Variants in CDH11 observed in about 807,000 individuals in gnomAD.
The protein encoded by CDH11 is cadherin-11.
A neutral mutation model predicts 67.8 loss-of-function variants in CDH11; 11 were observed. The observed-to-expected ratio is 0.16, with a 90% confidence interval of 0.10 to 0.27. The LOEUF (loss-of-function observed/expected upper bound fraction) is 0.27. CDH11 is among the 10% of genes least tolerant of loss of function. CDH11 has a pLI of 1.00. For missense variants in CDH11, 847 were observed against 1,031.2 expected, an observed-to-expected ratio of 0.82 and a Z score of 2.45; for synonymous variants, 419 against 400.0, an observed-to-expected ratio of 1.05 and a Z score of -0.57.
At chr16:65,091,283 C>A (rs868255326) in intron 1 of CDH11, among the ~76,000 whole-genome samples, 1 of 152,152 alleles carries the variant, frequency 6.6e-6, no homozygotes, top group African/African-American at 2.4e-5. Context: ...TTTTGTGCAT[C>A]TAATTTTTAA....
chr16:65,096,481 T>A (rs937183396), intron 1 of CDH11, among the ~76,000 whole-genome samples: 1 of 149,958 alleles, frequency 6.7e-6, no homozygotes, highest in Non-Finnish European at 1.5e-5. Context: ...ATATACCTAT[T>A]TGTACATATA....
At chr16:65,011,188 C>A (rs1322169657) in intron 2 of CDH11, among the ~76,000 whole-genome samples, 2 of 151,086 alleles carry the variant, frequency 1.3e-5, no homozygotes, top group East Asian at 1.9e-4. Flanking sequence ...CCTTATGTAA[C>A]CCACCCAAGT....
chr16:65,118,064 T>C (rs1266484285), intron 1 of CDH11, among the ~76,000 whole-genome samples: 7 of 152,198 alleles, frequency 4.6e-5, no homozygotes, highest in Non-Finnish European at 7.3e-5. Context: ...CGGTCTCTCC[T>C]GAGAGGGCCA....
chr16:65,033,929 A>G (rs2073699308), intron 2 of CDH11, among the ~76,000 whole-genome samples: 1 of 152,110 alleles, frequency 6.6e-6, no homozygotes, highest in Non-Finnish European at 1.5e-5. Context: ...TACTTGTGTG[A>G]GAAAGACACT....
At chr16:65,024,137 T>G (rs2073485853) in intron 2 of CDH11, among the ~76,000 whole-genome samples, 1 of 152,166 alleles carries the variant, frequency 6.6e-6, no homozygotes, top group Non-Finnish European at 1.5e-5. Context: ...CACTGTACTT[T>G]TGTGAAATTT....
chr16:65,018,286 G>C (rs1048942064), intron 2 of CDH11, among the ~76,000 whole-genome samples: 1 of 152,150 alleles, frequency 6.6e-6, no homozygotes, highest in African/African-American at 2.4e-5. Flanking sequence ...ATTTTCCCAA[G>C]TGGCTTTTAT....
At chr16:65,106,863 GA>G (rs2075074572) in intron 1 of CDH11, among the ~76,000 whole-genome samples, 1 of 151,414 alleles carries the variant, frequency 6.6e-6, no homozygotes, top group Non-Finnish European at 1.5e-5. Flanking sequence ...GCACATCACA[GA>G]AAACATAACA....
chr16:65,009,584 C>T (rs151201903), intron 2 of CDH11, among the ~76,000 whole-genome samples: 57 of 152,178 alleles, frequency 3.7e-4, no homozygotes, highest in African/African-American at 1.3e-3. Context: ...GGAGGCTGCC[C>T]TCCTAAGGAG....
chr16:64,966,829 ATC>A (rs984899349), intron 11 of CDH11, among the ~76,000 whole-genome samples: 2 of 152,180 alleles, frequency 1.3e-5, no homozygotes, highest in African/African-American at 4.8e-5. Flanking sequence ...CATTAGGAAA[ATC>A]TATGCAGTAG....
intron 3 of CDH11, 142 bp downstream of exon 3, chr16:65,004,500 A>T (rs1379395277): frequency 1.3e-5 from 9 of 689,276 alleles, no homozygotes; most frequent in South Asian, 2.1e-5. Context: ...ATTATGTACA[A>T]TATTTGGGTG....
intron 1 of CDH11, among the ~76,000 whole-genome samples, chr16:65,066,304 G>C (rs990777921): frequency 2.0e-5 from 3 of 152,118 alleles, no homozygotes; most frequent in African/African-American, 7.2e-5. Context: ...CACGCACAAA[G>C]CTTACACTGT....
chr16:65,049,824 A>G (rs1014717330), intron 2 of CDH11, among the ~76,000 whole-genome samples: 4 of 152,166 alleles, frequency 2.6e-5, no homozygotes, highest in Non-Finnish European at 4.4e-5. Flanking sequence ...ATACAGACAG[A>G]CACTTGGCCT....
intron 11 of CDH11, chr16:64,968,466 A>G: frequency 1.7e-5 from 17 of 984,734 alleles, no homozygotes; most frequent in Non-Finnish European, 1.9e-5. Context: ...CATCTGCCCA[A>G]ATAGCACCAT....
At chr16:65,006,050 T>C (rs79808637) in intron 2 of CDH11, among the ~76,000 whole-genome samples, 7,602 of 151,066 alleles carry the variant, frequency 0.05, 276 homozygotes, top group Non-Finnish European at 0.071. Flanking sequence ...GACTTCTTCA[T>C]TGGACTTTCT....
intron 11 of CDH11, among the ~76,000 whole-genome samples, chr16:64,960,305 C>T (rs1475066244): frequency 6.6e-6 from 1 of 152,092 alleles, no homozygotes; most frequent in East Asian, 1.9e-4. Flanking sequence ...ATAACTAATT[C>T]TTAAAATTTT....
chr16:65,019,509 T>C (rs949247314), intron 2 of CDH11, among the ~76,000 whole-genome samples: 3 of 152,168 alleles, frequency 2.0e-5, no homozygotes, highest in African/African-American at 7.2e-5. Flanking sequence ...GAAAGCCAAA[T>C]TTCACTTTTG....
intron 1 of CDH11, among the ~76,000 whole-genome samples, chr16:65,098,251 T>G (rs2074932929): frequency 6.6e-6 from 1 of 152,198 alleles, no homozygotes; most frequent in African/African-American, 2.4e-5. Flanking sequence ...CTCTCCCTGT[T>G]AATCCTTAAG....
At chr16:65,111,890 T>C (rs533304750) in intron 1 of CDH11, among the ~76,000 whole-genome samples, 34 of 151,824 alleles carry the variant, frequency 2.2e-4, no homozygotes, top group African/African-American at 7.0e-4. Context: ...ACCAACATGG[T>C]GAAACCCCGT....
At chr16:65,021,628 G>T (rs1233039163) in intron 2 of CDH11, among the ~76,000 whole-genome samples, 1 of 138,232 alleles carries the variant, frequency 7.2e-6, no homozygotes, top group East Asian at 2.1e-4. Context: ...CTCAACAATA[G>T]AGCTCTTTAA....
Sources: gnomAD v4.1 joint callset for allele counts (sites outside exome capture counted in the v4.1 genomes callset) on GRCh38, gnomAD v4.1.1 for gene constraint, MANE v1.5 for transcripts, NCBI Gene and HGNC (gene_info 2026-07-23, HGNC 2026-07-21) for gene names.